The following ARMCX4 variants were observed in gnomAD, a reference collection of about 807,000 sequenced individuals.
ARMCX4 encodes armadillo repeat-containing X-linked protein 4.
In ARMCX4, 3 loss-of-function variants were observed where a neutral mutation model predicts 34.7. The ratio of observed to expected loss-of-function variants is 0.09; its 90% CI spans 0.04 to 0.22. The LOEUF (loss-of-function observed/expected upper bound fraction) is 0.22. Among genes scored for constraint, ARMCX4 ranks in the 10% least tolerant of loss-of-function variants. The pLI is 1.00. For synonymous variants in ARMCX4, 513 were observed against 632.8 expected (o/e 0.81, Z 2.84); for missense variants, 1,448 against 1,720.8 (o/e 0.84, Z 2.81).
At chrX:101,508,564 A>G (rs1039228418) in intron 8 of ARMCX4, among the ~76,000 whole-genome samples, 1 of 111,084 alleles carries the variant, frequency 9.0e-6, no homozygotes, top group African/African-American at 3.3e-5. Flanking sequence ...ACCTCCTTAA[A>G]GGCTCTATCT....
chrX:101,437,861 G>A (rs1432870445), intron 2 of ARMCX4, among the ~76,000 whole-genome samples: 1 of 111,774 alleles, frequency 8.9e-6, no homozygotes, highest in African/African-American at 3.3e-5. Context: ...GTTCTCATTG[G>A]TTTCAAAGAA....
intron 2 of ARMCX4, among the ~76,000 whole-genome samples, chrX:101,432,791 C>CGT (rs1569314512): frequency 1.0e-5 from 1 of 100,165 alleles, no homozygotes; most frequent in Non-Finnish European, 2.0e-5. Flanking sequence ...TGTATATACA[C>CGT]ATATACACAT....
At chrX:101,466,929 G>T (rs1556002097) in intron 4 of ARMCX4, among the ~76,000 whole-genome samples, 1 of 112,168 alleles carries the variant, frequency 8.9e-6, no homozygotes, top group Non-Finnish European at 1.9e-5. Context: ...AATCTCTTTT[G>T]CTAATTTGCA....
intron 7 of ARMCX4, among the ~76,000 whole-genome samples, chrX:101,501,985 G>A (rs1323597736): frequency 8.9e-6 from 1 of 112,557 alleles, no homozygotes; most frequent in Non-Finnish European, 1.9e-5. Context: ...AAGTCCCTAT[G>A]GGAAAGGCCC....
chrX:101,422,696 A>C (rs1274861213), intron 2 of ARMCX4, among the ~76,000 whole-genome samples: 4 of 111,157 alleles, frequency 3.6e-5, no homozygotes, highest in African/African-American at 1.3e-4. Flanking sequence ...AGAAACGCCT[A>C]TGATCAATTT....
Position 101,491,072 on chromosome X carries a change from C to A in ARMCX4, c.2483C>A (p.Ala828Asp), listed in dbSNP as rs782547476. Residue 828 changes from alanine to aspartate, a missense_variant, in exon 6 of 6, where the codon GCC becomes GAC. By Grantham distance (126) the Ala-to-Asp change is moderately radical. Transcript: ENST00000423738. ...AGAGMDTRGSAQPQAVANSQG... is the reference protein window; with the variant it reads ...AGAGMDTRGSDQPQAVANSQG... ...GCTGGGATGGATACAAGGGGCTCTG[C>A]CCAGCCCCAGGCTGTGGCCAATTCC... is the stretch of plus-strand genomic sequence containing the variant. 4 of 1,146,507 alleles carry A rather than the reference C, an allele frequency of 3.5e-6. No homozygotes were observed. The African/African-American group carries it at 7.5e-5, about 21-fold the overall frequency. The allele number at this position is 1,146,507 out of a possible 1,213,427, so 94.5% of individuals were successfully genotyped here.
At chrX:101,425,576 G>C (rs1221095097) in intron 2 of ARMCX4, among the ~76,000 whole-genome samples, 2 of 109,291 alleles carry the variant, frequency 1.8e-5, no homozygotes, top group East Asian at 5.8e-4. Flanking sequence ...TGTATTTTTA[G>C]TAGAAACGGG....
chrX:101,522,368 G>C (rs782041882), intron 11 of ARMCX4, among the ~76,000 whole-genome samples: 33 of 111,589 alleles, frequency 3.0e-4, no homozygotes, highest in Admixed American at 5.7e-4. Context: ...CTTTCAACTT[G>C]TTTGTGTCTT....
rs1273400195 is a variant in ARMCX4 at position 101,490,685 on chromosome X, G to C, written c.2096G>C (p.Gly699Ala). ...KGNSNAVSKAGAGTDTTGSVQ... is the reference protein window; with the variant it reads ...KGNSNAVSKAAAGTDTTGSVQ... ...AATTCCAATGCTGTGTCTAAGGCAG[G>C]GGCTGGGACAGATACAACAGGCTCT... Residue 699 changes from glycine to alanine, a missense_variant, in exon 6 of 6, where the codon GGG becomes GCG. Physicochemically the swap from Gly to Ala is moderately conservative, Grantham distance 60. Coordinates refer to ENST00000423738, the MANE Select transcript of ARMCX4 (RefSeq NM_001256155.3). 37 of 1,153,669 alleles carry C rather than the reference G, an allele frequency of 3.2e-5. No homozygotes were observed. Among genetic ancestry groups the C allele is most frequent in the Non-Finnish European group, 3.9e-5 (34 of 872,408 alleles).
At chrX:101,533,901 A>T (rs1156857290), downstream of ARMCX4, among the ~76,000 whole-genome samples, 1 of 111,595 alleles carries the variant, frequency 9.0e-6, no homozygotes, top group Non-Finnish European at 1.9e-5. Flanking sequence ...AGGGGCAGGC[A>T]AGATTATCAT....
intron 2 of ARMCX4, among the ~76,000 whole-genome samples, chrX:101,440,896 G>A (rs1015025266): frequency 9.0e-6 from 1 of 111,316 alleles, no homozygotes; most frequent in East Asian, 2.8e-4. Flanking sequence ...ACTAGGAAAG[G>A]GAATTCCCTG....
chrX:101,509,031 G>T (rs1405858390), intron 8 of ARMCX4, among the ~76,000 whole-genome samples: 2 of 111,303 alleles, frequency 1.8e-5, no homozygotes, highest in Non-Finnish European at 3.8e-5. Flanking sequence ...ATTTTCTCTA[G>T]ATTTAATTTC....
downstream of ARMCX4, among the ~76,000 whole-genome samples, chrX:101,535,101 A>G (rs1251326081): frequency 1.8e-5 from 2 of 111,446 alleles, no homozygotes; most frequent in African/African-American, 6.5e-5. Context: ...GATAGAAACT[A>G]CTGAGAGGTT....
At chrX:101,512,295 C>T (rs999086211) in intron 11 of ARMCX4, among the ~76,000 whole-genome samples, 24 of 111,420 alleles carry the variant, frequency 2.2e-4, no homozygotes, top group African/African-American at 7.2e-4. Context: ...GGCTTGAACC[C>T]GGGAGGCAGA....
At chrX:101,471,706 T>A (rs1372405974) in intron 4 of ARMCX4, among the ~76,000 whole-genome samples, 1 of 111,283 alleles carries the variant, frequency 9.0e-6, no homozygotes, top group Admixed American at 9.6e-5. Context: ...CACTGACACC[T>A]CACACAGCAG....
chrX:101,512,803 TACAC>T (rs1291484496), intron 11 of ARMCX4, among the ~76,000 whole-genome samples: 5 of 90,833 alleles, frequency 5.5e-5, no homozygotes, highest in South Asian at 4.9e-4. Context: ...TATACATATA[TACAC>T]ATATATACAC....
At chrX:101,481,760 C>G (rs781855190), upstream of ARMCX4, among the ~76,000 whole-genome samples, 26 of 111,283 alleles carry the variant, frequency 2.3e-4, no homozygotes, top group African/African-American at 7.5e-4. Context: ...ATTCTTCTAC[C>G]TGTTGGCAAA....
At position 101,515,393 on chromosome X, in the gene ARMCX4, C is replaced by CTTTCTTTCTTTCTTT. The variant is rs1556017492; in HGVS notation, c.*1780+4338_*1780+4339insTTTCTTTCTTTCTTT. 4.9e-3 allele frequency among the ~76,000 whole-genome samples: 51 copies of CTTTCTTTCTTTCTTT among 10,426 alleles called. 2 individuals are homozygous for CTTTCTTTCTTTCTTT. Among genetic ancestry groups the CTTTCTTTCTTTCTTT allele is most frequent in the South Asian group, 0.018 (2 of 111 alleles). 9.1% of individuals were successfully genotyped at this position (10,426 alleles called of 115,157 possible). ...TTTCTTTCTTTCTTTTTCTTTCTTT[C>CTTTCTTTCTTTCTTT]CCTCCCTCCCTCCCTCCCTCTCTTC... On this transcript the variant is annotated intron_variant and NMD_transcript_variant, in intron 11 of 12. Transcript: ENST00000354842.
At position 101,493,518 on chromosome X, in the gene ARMCX4, T is replaced by G; in HGVS notation, c.4929T>G (p.Ser1643Arg). ...GGGCTGGCACTGGGAATCAGTCCAGTGGAAGGTCCTGGATTGGGCCTGGGG... is the reference window on the plus strand; with the variant it reads ...GGGCTGGCACTGGGAATCAGTCCAGGGGAAGGTCCTGGATTGGGCCTGGGG... Reference protein sequence around the residue: ...GSWAGTGNQSSGRSWIGPGDQ... With the variant: ...GSWAGTGNQSRGRSWIGPGDQ... The change falls in exon 6 of 6, where the codon AGT (serine) becomes AGG (arginine). Residue 1643 changes from serine to arginine, a missense_variant. Transcript: ENST00000423738. 1 of 1,154,562 alleles carries G rather than the reference T, an allele frequency of 8.7e-7. No individual in the cohort carries two copies. Among genetic ancestry groups the G allele is most frequent in the Non-Finnish European group, 1.1e-6 (1 of 872,303 alleles).
Sources: allele counts gnomAD v4.1 joint callset (sites outside exome capture counted in the v4.1 genomes callset), GRCh38; gene constraint gnomAD v4.1.1; transcripts MANE v1.5; gene names NCBI Gene and HGNC (gene_info 2026-07-23, HGNC 2026-07-21).